AP4E1: variants seen among roughly 807,000 people sequenced by gnomAD.
The protein encoded by AP4E1 is AP-4 complex subunit epsilon-1.
Under a neutral mutation model 128.2 loss-of-function variants are expected in AP4E1, and 56 were observed. That is an observed-to-expected ratio of 0.44 (90% confidence interval 0.35 to 0.55). The LOEUF is 0.55. Among genes scored for constraint, AP4E1 ranks in the 20% least tolerant of loss-of-function variants. AP4E1 has a pLI of 0.00. For synonymous variants in AP4E1, 484 were observed against 473.1 expected (o/e 1.02, Z -0.30); for missense variants, 1,324 against 1,307.7 (o/e 1.01, Z -0.19).
intron 7 of AP4E1, among the ~76,000 whole-genome samples, chr15:50,933,791 ATTAAT>A (rs1278016294): frequency 6.6e-6 from 1 of 152,176 alleles, no homozygotes; most frequent in Non-Finnish European, 1.5e-5. Flanking sequence ...GAAAGATGTA[ATTAAT>A]TTATATAGTC....
chr15:50,944,950 C>A, intron 10 of AP4E1: 1 of 770,800 alleles, frequency 1.3e-6, no homozygotes, highest in Non-Finnish European at 2.3e-6. Context: ...TGGAACCTGA[C>A]TCAACAGAAA....
Position 50,914,664 on chromosome 15 carries a change from A to T in AP4E1, c.223-784A>T, listed in dbSNP as rs201588253. Among the ~76,000 whole-genome samples, 3 of 152,102 alleles carry T rather than the reference A, an allele frequency of 2.0e-5. No individual in the cohort carries two copies. In the East Asian group the frequency reaches 5.8e-4, roughly 29 times the overall value. On this transcript the variant is annotated intron_variant, in intron 2 of 20. Transcript: ENST00000261842. ...AGACTCTGTCTCAAAAAAAAAAAAAAAAAAAAAGTCTGTGAGCTTTTAGTT... is the reference window on the plus strand; with the variant it reads ...AGACTCTGTCTCAAAAAAAAAAAAATAAAAAAAGTCTGTGAGCTTTTAGTT...
At chr15:50,962,232 A>G (rs561293348) in intron 14 of AP4E1, among the ~76,000 whole-genome samples, 16 of 152,182 alleles carry the variant, frequency 1.1e-4, no homozygotes, top group Non-Finnish European at 2.2e-4. Context: ...AATACCAATG[A>G]CAGTCTTCAC....
chr15:50,975,127 T>C (rs945342659), intron 15 of AP4E1, among the ~76,000 whole-genome samples: 15 of 152,114 alleles, frequency 9.9e-5, no homozygotes, highest in African/African-American at 2.9e-4. Context: ...TTTTACCAGC[T>C]GGGCGCGGTG....
At chr15:50,915,263 T>C (rs2063615994) in intron 2 of AP4E1, among the ~76,000 whole-genome samples, 185 bp from the exon 3 acceptor site, 1 of 152,170 alleles carries the variant, frequency 6.6e-6, no homozygotes, top group Admixed American at 6.5e-5. Flanking sequence ...AGTAATACTG[T>C]TGGTAAGTAA....
rs1401774266 is a variant in AP4E1 at position 50,977,706 on chromosome 15, G to GTTTTTTTTTTTTTT, written c.1967-6309_1967-6296dup. ...ATCTTTTAATTATCAATCTGTTATG[G>GTTTTTTTTTTTTTT]TTTTTTTTTTTTTTTTTTTTAGACA... On this transcript the variant is annotated intron_variant, in intron 15 of 20. Transcript: ENST00000261842. 3.0e-3 allele frequency among the ~76,000 whole-genome samples: 238 copies of GTTTTTTTTTTTTTT among 80,236 alleles called. 13 individuals carry two copies. The highest frequency in any genetic ancestry group is 0.016 in the Middle Eastern group (2 of 126). 52.6% of individuals were successfully genotyped at this position (80,236 alleles called of 152,430 possible). A position where few individuals can be genotyped will look rare whatever the true frequency, so the allele number is the denominator to read the frequency against.
At chr15:50,957,566 C>G (rs867204114) in intron 13 of AP4E1, among the ~76,000 whole-genome samples, 1 of 152,166 alleles carries the variant, frequency 6.6e-6, no homozygotes, top group Middle Eastern at 3.4e-3. Flanking sequence ...TCCAGGGACC[C>G]CACCCTTTTC....
chr15:50,959,431 G>GA (rs770094065), intron 14 of AP4E1, among the ~76,000 whole-genome samples: 106 of 151,438 alleles, frequency 7.0e-4, no homozygotes, highest in Non-Finnish European at 1.4e-3. Flanking sequence ...CAAAGTGCTG[G>GA]AAAAAAAACC....
At position 50,948,178 on chromosome 15, in the gene AP4E1, C is replaced by T; in HGVS notation, c.1316+19C>T. 6.2e-7 allele frequency: 1 copy of T among 1,613,230 alleles called. No individual in the cohort carries two copies. On this transcript the variant is annotated intron_variant, in intron 11 of 20. Transcript: ENST00000261842. Reference sequence around the variant, plus strand: ...CTGAGAAATATCCTTTTATTTCGACCATGAGTCTTAAAATAGTTAGTTATG... The same window carrying T: ...CTGAGAAATATCCTTTTATTTCGACTATGAGTCTTAAAATAGTTAGTTATG...
intron 15 of AP4E1, among the ~76,000 whole-genome samples, chr15:50,974,750 T>G (rs1276680930): frequency 6.6e-6 from 1 of 152,190 alleles, no homozygotes; most frequent in Non-Finnish European, 1.5e-5. Flanking sequence ...ATGGTTTCAG[T>G]TTGTATTTTC....
intron 13 of AP4E1, among the ~76,000 whole-genome samples, chr15:50,953,107 C>T (rs2064173485): frequency 6.6e-6 from 1 of 152,128 alleles, no homozygotes; most frequent in Non-Finnish European, 1.5e-5. Flanking sequence ...ATAAAGGTAT[C>T]TTTCCTTTTT....
intron 10 of AP4E1, among the ~76,000 whole-genome samples, chr15:50,944,423 C>T (rs2064029785): frequency 6.6e-6 from 1 of 152,058 alleles, no homozygotes; most frequent in Non-Finnish European, 1.5e-5. Context: ...ATTTCATGGT[C>T]TTAGAATAGG....
intron 10 of AP4E1, among the ~76,000 whole-genome samples, chr15:50,943,967 T>C (rs1188834528): frequency 1.3e-5 from 2 of 152,186 alleles, no homozygotes; most frequent in Non-Finnish European, 2.9e-5. Context: ...ACTGAAGCCA[T>C]GGGAAGCAAA....
At chr15:50,940,829 T>A (rs1385096683) in intron 8 of AP4E1, among the ~76,000 whole-genome samples, 1 of 152,190 alleles carries the variant, frequency 6.6e-6, no homozygotes, top group Admixed American at 6.5e-5. Context: ...TTGAATGCTA[T>A]CAAGATGTCC....
intron 15 of AP4E1, among the ~76,000 whole-genome samples, chr15:50,977,635 G>A (rs1260597567): frequency 2.0e-5 from 3 of 151,150 alleles, no homozygotes; most frequent in Non-Finnish European, 4.4e-5. Flanking sequence ...ACAAAATAAA[G>A]AGTAGGGGGA....
chr15:50,978,333 G>A (rs1461667231), intron 15 of AP4E1, among the ~76,000 whole-genome samples: 1 of 152,082 alleles, frequency 6.6e-6, no homozygotes, highest in Non-Finnish European at 1.5e-5. Context: ...AGAAAGCCAT[G>A]TCAAGGTAAG....
In AP4E1 at chr15:50,926,428, G is replaced by A. The variant is rs28478740; in HGVS notation, c.542+1209G>A. 3.9e-3 allele frequency among the ~76,000 whole-genome samples: 587 copies of A among 152,042 alleles called. 6 individuals carry two copies. The highest frequency in any genetic ancestry group is 0.014 in the African/African-American group (563 of 41,476). On this transcript the variant is annotated intron_variant, in intron 5 of 20. Coordinates refer to ENST00000261842, the MANE Select transcript of AP4E1 (RefSeq NM_007347.5). ...TGAGATTACACATGTGAGCCACTGC[G>A]CCTGGCCCATAATTTTTAAAGTTGG...
chr15:50,991,016 A>G (rs1458657061), intron 16 of AP4E1, among the ~76,000 whole-genome samples: 1 of 152,166 alleles, frequency 6.6e-6, no homozygotes, highest in Admixed American at 6.5e-5. Context: ...CCCCATGGGG[A>G]GCTCTGGAGC....
chr15:50,914,946 T>A (rs6493467), intron 2 of AP4E1, among the ~76,000 whole-genome samples: 2,809 of 152,286 alleles, frequency 0.018, 104 homozygotes, highest in African/African-American at 0.064. Context: ...CTATTCCATA[T>A]TGTACTTAGC....
Sources: gnomAD v4.1 joint callset for allele counts (sites outside exome capture counted in the v4.1 genomes callset) on GRCh38, gnomAD v4.1.1 for gene constraint, MANE v1.5 for transcripts, NCBI Gene and HGNC (gene_info 2026-07-23, HGNC 2026-07-21) for gene names.